The following EPHA5 variants were observed in gnomAD, a reference collection of about 807,000 sequenced individuals.
The protein encoded by EPHA5 is EPH receptor A5.
EPHA5 carries 60 observed loss-of-function variants against 105.0 expected under a neutral mutation model. That is an observed-to-expected ratio of 0.57 (90% confidence interval 0.46 to 0.71). The LOEUF is 0.71. Among genes scored for constraint, EPHA5 ranks in the 30% least tolerant of loss-of-function variants. The pLI, the probability that EPHA5 is intolerant of heterozygous loss-of-function variation, is 0.00. For synonymous variants in EPHA5, 513 were observed against 449.1 expected, an observed-to-expected ratio of 1.14 and a Z score of -1.80; for missense variants, 1,218 against 1,274.7, an observed-to-expected ratio of 0.96 and a Z score of 0.68.
At chr4:65,439,947 A>T (rs921434235) in intron 5 of EPHA5, among the ~76,000 whole-genome samples, 6 of 152,152 alleles carry the variant, frequency 3.9e-5, no homozygotes, top group Non-Finnish European at 8.8e-5. Context: ...CATGTTAATT[A>T]TGTGGTATTT....
intron 3 of EPHA5, among the ~76,000 whole-genome samples, chr4:65,569,441 AAC>A (rs1272729956): frequency 6.6e-6 from 1 of 151,664 alleles, no homozygotes; most frequent in Non-Finnish European, 1.5e-5. Flanking sequence ...AGAATAGAAT[AAC>A]ACATATATTT....
intron 5 of EPHA5, among the ~76,000 whole-genome samples, chr4:65,437,696 A>G (rs1006791640): frequency 4.6e-5 from 7 of 151,976 alleles, no homozygotes; most frequent in Non-Finnish European, 2.9e-5. Flanking sequence ...AATCTAGAGC[A>G]CAACTTAAGT....
intron 8 of EPHA5, among the ~76,000 whole-genome samples, chr4:65,390,185 C>T (rs546641435): frequency 2.6e-5 from 4 of 152,132 alleles, no homozygotes; most frequent in African/African-American, 9.6e-5. Flanking sequence ...ACTTAGCCTA[C>T]AGCATGTATT....
At chr4:65,594,733 C>G (rs2149423080) in intron 3 of EPHA5, among the ~76,000 whole-genome samples, 1 of 150,522 alleles carries the variant, frequency 6.6e-6, no homozygotes, top group Admixed American at 6.8e-5. Context: ...CATTGTCAAA[C>G]CAATGAAACA....
At chr4:65,540,198 C>G (rs544599325) in intron 3 of EPHA5, among the ~76,000 whole-genome samples, 1 of 151,402 alleles carries the variant, frequency 6.6e-6, no homozygotes, top group Non-Finnish European at 1.5e-5. Context: ...TTGTACAGAC[C>G]AAAGGAAATA....
chr4:65,436,351 GAC>G (rs151176532), intron 5 of EPHA5, among the ~76,000 whole-genome samples: 7 of 150,722 alleles, frequency 4.6e-5, no homozygotes, highest in South Asian at 2.1e-4. Context: ...GCTATAAACA[GAC>G]ACACACACAC....
chr4:65,383,165 ATATCATATATATGGTATATATG>A (rs1206932400), intron 8 of EPHA5, among the ~76,000 whole-genome samples: 2 of 150,564 alleles, frequency 1.3e-5, no homozygotes, highest in Admixed American at 6.7e-5. Flanking sequence ...TGATGTATAT[ATATCATATATATGGTATATATG>A]TATCATATAT....
chr4:65,514,152 C>T (rs1429962343), intron 3 of EPHA5, among the ~76,000 whole-genome samples: 1 of 152,142 alleles, frequency 6.6e-6, no homozygotes, highest in East Asian at 1.9e-4. Flanking sequence ...TAGGTCTCCC[C>T]TTTGCTCCTT....
At chr4:65,399,467 G>T (rs1414314349) in intron 8 of EPHA5, among the ~76,000 whole-genome samples, 1 of 152,216 alleles carries the variant, frequency 6.6e-6, no homozygotes, top group African/African-American at 2.4e-5. Flanking sequence ...GCAAAACTCA[G>T]GCAAAGGTGC....
intron 3 of EPHA5, among the ~76,000 whole-genome samples, chr4:65,578,204 G>A (rs963357841): frequency 3.9e-5 from 6 of 151,970 alleles, no homozygotes; most frequent in Non-Finnish European, 5.9e-5. Flanking sequence ...CCTCCCAACT[G>A]TACTCCACCC....
chr4:65,358,635 T>A (rs1016451325), intron 11 of EPHA5, among the ~76,000 whole-genome samples: 8 of 151,536 alleles, frequency 5.3e-5, no homozygotes, highest in Non-Finnish European at 1.2e-4. Context: ...ACAACAAAGA[T>A]AAAAACAAAC....
chr4:65,394,086 A>G (rs1321387662), intron 8 of EPHA5, among the ~76,000 whole-genome samples: 3 of 152,178 alleles, frequency 2.0e-5, no homozygotes, highest in East Asian at 1.9e-4. Flanking sequence ...GGAGTTGGTG[A>G]CATTTAATTT....
chr4:65,323,768 G>C lies in EPHA5; in HGVS notation c.*346C>G, dbSNP rs1232835300. On this transcript the variant is annotated 3_prime_UTR_variant, in exon 17 of 17. Coordinates refer to ENST00000613740, the MANE Select transcript of EPHA5 (RefSeq NM_001281766.3). ...AAGTAGATCCCTGGAAGTTTTGAAA[G>C]GGGTTGCCTTAATTCAGTCTATAAA... 4.3e-6 allele frequency: 1 copy of C among 233,348 alleles called. No individual in the cohort carries two copies. Among genetic ancestry groups the C allele is most frequent in the African/African-American group, 2.2e-5 (1 of 45,242 alleles). 14.5% of individuals were successfully genotyped at this position (233,348 alleles called of 1,614,324 possible). A position where few individuals can be genotyped will look rare whatever the true frequency, so the allele number is the denominator to read the frequency against.
chr4:65,496,974 T>A (rs1451284858), intron 3 of EPHA5, among the ~76,000 whole-genome samples: 1 of 152,184 alleles, frequency 6.6e-6, no homozygotes, highest in Non-Finnish European at 1.5e-5. Flanking sequence ...TTTTATTCTG[T>A]GGATTTTCTA....
intron 3 of EPHA5, among the ~76,000 whole-genome samples, chr4:65,528,666 C>A (rs1735471976): frequency 6.6e-6 from 1 of 152,088 alleles, no homozygotes; most frequent in Admixed American, 6.6e-5. Context: ...TTTCATTTCC[C>A]TTTGTTTCAT....
At chr4:65,359,516 T>C (rs1717058307) in intron 11 of EPHA5, among the ~76,000 whole-genome samples, 1 of 151,650 alleles carries the variant, frequency 6.6e-6, no homozygotes, top group Admixed American at 6.6e-5. Flanking sequence ...CCAAGCTTAA[T>C]CTTGTTCCTC....
At chr4:65,425,532 T>C (rs1724348601) in intron 5 of EPHA5, among the ~76,000 whole-genome samples, 1 of 152,104 alleles carries the variant, frequency 6.6e-6, no homozygotes, top group Non-Finnish European at 1.5e-5. Context: ...AAGACTCTGG[T>C]GGAATCATTT....
intron 8 of EPHA5, among the ~76,000 whole-genome samples, chr4:65,376,830 A>G (rs1719053951): frequency 2.0e-5 from 3 of 152,066 alleles, no homozygotes. Flanking sequence ...TGCCATATGT[A>G]TAATATTTAT....
chr4:65,414,269 A>G lies in EPHA5; in HGVS notation c.1687+15T>C, dbSNP rs1327162638. 6.2e-7 allele frequency: 1 copy of G among 1,612,780 alleles called. No individual in the cohort carries two copies. The highest frequency in any genetic ancestry group is 1.3e-5 in the African/African-American group (1 of 74,874). On this transcript the variant is annotated intron_variant, in intron 7 of 16. Transcript: ENST00000613740. ...ATTACTGAGACATGAGCTGACAGTA[A>G]TTAAAATGACTTACACACTGGGGTG...
Sources: allele counts gnomAD v4.1 joint callset (sites outside exome capture counted in the v4.1 genomes callset), GRCh38; gene constraint gnomAD v4.1.1; transcripts MANE v1.5; gene names NCBI Gene and HGNC (gene_info 2026-07-23, HGNC 2026-07-21).